Variants in GLDC observed in about 807,000 individuals in gnomAD.
The protein encoded by GLDC is glycine dehydrogenase (decarboxylating), mitochondrial.
Under a neutral mutation model 121.3 loss-of-function variants are expected in GLDC, and 104 were observed. The observed-to-expected ratio is 0.86, with a 90% confidence interval of 0.73 to 1.01. The LOEUF (loss-of-function observed/expected upper bound fraction) is 1.01, where lower values mean the gene tolerates loss of function less well. GLDC is among the 50% of genes least tolerant of loss of function. The probability of loss-of-function intolerance (pLI) is 0.00; values close to 1 mark genes in which losing one functional copy is unlikely to be tolerated. For synonymous variants in GLDC, 546 were observed against 480.6 expected (o/e 1.14, Z -1.78); for missense variants, 1,429 against 1,306.6 (o/e 1.09, Z -1.44).
At chr9:6,606,555 A>T in intron 5 of GLDC, 37 bp downstream of exon 5, 1 of 1,162,664 alleles carries the variant, frequency 8.6e-7, no homozygotes, top group Non-Finnish European at 1.3e-6. Context: ...TGAACATGAC[A>T]TTATACTGAG....
intron 2 of GLDC, among the ~76,000 whole-genome samples, chr9:6,620,865 T>G (rs1819077331): frequency 6.6e-6 from 1 of 152,170 alleles, no homozygotes; most frequent in Admixed American, 6.6e-5. Context: ...ATATCAGTTG[T>G]AATCAAAGAC....
At chr9:6,613,469 T>C (rs1019882075) in intron 3 of GLDC, among the ~76,000 whole-genome samples, 1 of 152,186 alleles carries the variant, frequency 6.6e-6, no homozygotes, top group East Asian at 1.9e-4. Flanking sequence ...CTACTAAAAA[T>C]AAAAGAAGTT....
rs1587923448 is a variant in GLDC, at chr9:6,554,773, G to A, written c.2211C>T (p.Ile737=). The A allele has an allele frequency of 6.2e-7, 1 of 1,611,914 alleles. No homozygotes were observed. The highest frequency in any genetic ancestry group is 1.3e-5 in the African/African-American group (1 of 75,016). Reference sequence around the variant, plus strand: ...CAGACCCGAAGTCTCCAGGGCGACAGATTCCCACCTACCACAAAGGCAAGG... The same window carrying A: ...CAGACCCGAAGTCTCCAGGGCGACAAATTCCCACCTACCACAAAGGCAAGG... ...DGANMNAQVG[I]CRPGDFGSDV... Residue 737 remains isoleucine, a synonymous_variant, in exon 19 of 25, where the codon ATC becomes ATT. Coordinates refer to ENST00000321612, the MANE Select transcript of GLDC (RefSeq NM_000170.3).
intron 21 of GLDC, among the ~76,000 whole-genome samples, chr9:6,549,488 A>T (rs1817465151): frequency 6.6e-6 from 1 of 152,176 alleles, no homozygotes; most frequent in Admixed American, 6.5e-5. Context: ...AAGCTGCCTC[A>T]GGTGTGGAGT....
intron 8 of GLDC, among the ~76,000 whole-genome samples, chr9:6,600,265 G>A (rs888424767): frequency 9.9e-5 from 15 of 152,156 alleles, no homozygotes; most frequent in Non-Finnish European, 8.8e-5. Flanking sequence ...CTACTTAGGA[G>A]GCTGAGACCG....
intron 21 of GLDC, among the ~76,000 whole-genome samples, chr9:6,549,402 G>A (rs1817463243): frequency 1.3e-5 from 2 of 152,278 alleles, no homozygotes; most frequent in East Asian, 3.9e-4. Flanking sequence ...GGGAGGAGGT[G>A]GAGCCACACG....
chr9:6,639,333 C>T lies in GLDC; in HGVS notation c.334+5281G>A, dbSNP rs184024674. On this transcript the variant is annotated intron_variant, in intron 2 of 24. Coordinates refer to ENST00000321612, the MANE Select transcript of GLDC (RefSeq NM_000170.3). Reference sequence around the variant, plus strand: ...GACAGCCCAAATATCCTCGGAAGAGCGCCCCCAGGAGAAACAAGCTTGACC... The same window carrying T: ...GACAGCCCAAATATCCTCGGAAGAGTGCCCCCAGGAGAAACAAGCTTGACC... 4.3e-4 allele frequency: 396 copies of T among 931,644 alleles called. 2 individuals carry two copies. The East Asian group carries it at 5.1e-3, about 12-fold the overall frequency. 57.7% of individuals were successfully genotyped at this position (931,644 alleles called of 1,614,324 possible).
chr9:6,565,768 G>A (rs1817843695), intron 15 of GLDC: 5 of 527,470 alleles, frequency 9.5e-6, no homozygotes, highest in African/African-American at 1.9e-5. Flanking sequence ...AGAACAAAAG[G>A]AACTACGACG....
chr9:6,578,679 A>G (rs540066517), intron 15 of GLDC, among the ~76,000 whole-genome samples: 104 of 152,100 alleles, frequency 6.8e-4, no homozygotes, highest in African/African-American at 2.3e-3. Flanking sequence ...AGCTGGGACC[A>G]CAGGTGCTTG....
At chr9:6,582,074 G>A (rs13300660) in intron 15 of GLDC, among the ~76,000 whole-genome samples, 31,772 of 151,618 alleles carry the variant, frequency 0.21, 3,925 homozygotes, top group East Asian at 0.33. Context: ...AACTAGTCAG[G>A]TGTGGTAGCG....
chr9:6,642,000 G>A (rs145686842), intron 2 of GLDC, among the ~76,000 whole-genome samples: 46 of 152,182 alleles, frequency 3.0e-4, no homozygotes, highest in Middle Eastern at 3.4e-3. Flanking sequence ...CTCCCCACCT[G>A]GAGAATATTC....
At chr9:6,601,097 C>T (rs770677265) in intron 8 of GLDC, among the ~76,000 whole-genome samples, 5 of 152,050 alleles carry the variant, frequency 3.3e-5, no homozygotes, top group Non-Finnish European at 7.4e-5. Flanking sequence ...TGCTTGAAAC[C>T]GGGCAGCAGA....
chr9:6,536,129 T>A lies in GLDC; in HGVS notation c.2773A>T (p.Ser925Cys), dbSNP rs745769719. ...ATGTCAGCAATTTCCTGCCGAATGC[T>A]GATCATGGCATCACAGAATCTGTCC... ...ELDRFCDAMI[S>C]IRQEIADIEE... Residue 925 changes from serine (S) to cysteine (C), a missense_variant, in exon 23 of 25, where the codon AGC (serine) becomes TGC (cysteine). Coordinates refer to ENST00000321612, the MANE Select transcript of GLDC (RefSeq NM_000170.3). 1.9e-6 allele frequency: 3 copies of A among 1,614,172 alleles called. No individual in the cohort carries two copies. The highest frequency in any genetic ancestry group is 2.5e-6 in the Non-Finnish European group (3 of 1,179,998).
chr9:6,575,725 T>C (rs1265054102), intron 15 of GLDC, among the ~76,000 whole-genome samples: 1 of 152,228 alleles, frequency 6.6e-6, no homozygotes, highest in African/African-American at 2.4e-5. Flanking sequence ...TTCCAACTTG[T>C]CTTTCACTTT....
Position 6,623,155 on chromosome 9 carries a change from C to T in GLDC, c.335-2836G>A, listed in dbSNP as rs562174261. ...TGAGAACGGGCCATGATGACAATGGCGGTTTTGTGGAATAGAAAAGGGGGA... is the reference window on the plus strand; with the variant it reads ...TGAGAACGGGCCATGATGACAATGGTGGTTTTGTGGAATAGAAAAGGGGGA... On this transcript the variant is annotated intron_variant, in intron 2 of 24. Coordinates refer to ENST00000321612, the MANE Select transcript of GLDC (RefSeq NM_000170.3). 412 of 170,112 alleles carry T rather than the reference C, an allele frequency of 2.4e-3. 6 individuals carry two copies. Among genetic ancestry groups the T allele is most frequent in the African/African-American group, 0.011 (389 of 35,358 alleles). 10.5% of individuals were successfully genotyped at this position (170,112 alleles called of 1,614,324 possible).
chr9:6,585,641 C>G (rs898896797), intron 15 of GLDC, among the ~76,000 whole-genome samples: 1 of 152,114 alleles, frequency 6.6e-6, no homozygotes, highest in Non-Finnish European at 1.5e-5. Context: ...GGTAGGGCAT[C>G]TTGAAACAGA....
At position 6,549,490 on chromosome 9, in the gene GLDC, G is replaced by T. The variant is rs902841369; in HGVS notation, c.2569+1313C>A. Among the ~76,000 whole-genome samples the T allele has an allele frequency of 9.2e-5, 14 of 152,162 alleles. No homozygotes were observed. In the South Asian group the frequency reaches 2.9e-3, roughly 32 times the overall value. On this transcript the variant is annotated intron_variant, in intron 21 of 24. Transcript: ENST00000321612. ...TGCCAGGGTTCTAAAGCTGCCTCAG[G>T]TGTGGAGTGCCCCTCACCAGGCACC...
intron 2 of GLDC, among the ~76,000 whole-genome samples, chr9:6,637,773 G>A (rs1819537302): frequency 6.6e-6 from 1 of 152,046 alleles, no homozygotes; most frequent in South Asian, 2.1e-4. Context: ...AGCCAAGACT[G>A]AGATTTCTAG....
rs1337410540 is a variant in GLDC at position 6,583,160 on chromosome 9, T to G, written c.1850+3981A>C. On this transcript the variant is annotated intron_variant, in intron 15 of 24. Transcript: ENST00000321612. ...CCCCTGCAGAAGACAGTACGGCGAT[T>G]CCTCAAAAAATTAAACATAAAATTA... Among the ~76,000 whole-genome samples the G allele has an allele frequency of 2.0e-5, 3 of 152,004 alleles. No homozygotes were observed. In the East Asian group the frequency reaches 5.8e-4, roughly 29 times the overall value.
Sources: allele counts gnomAD v4.1 joint callset (sites outside exome capture counted in the v4.1 genomes callset), GRCh38; gene constraint gnomAD v4.1.1; transcripts MANE v1.5; gene names NCBI Gene and HGNC (gene_info 2026-07-23, HGNC 2026-07-21).